Variants in MYH16 observed in about 807,000 individuals in gnomAD.
MYH16 encodes the protein putative uncharacterized protein MYH16.
chr7:99,263,484 C>G (rs1791958519), intron 14 of MYH16: 1 of 152,658 alleles, frequency 6.6e-6, no homozygotes, highest in Non-Finnish European at 1.5e-5. Context: ...CTTGTTGTGT[C>G]CAGTATCCCT....
chr7:99,264,127 A>G (rs151255820), intron 14 of MYH16: 2 of 152,654 alleles, frequency 1.3e-5, no homozygotes, highest in East Asian at 3.9e-4. Context: ...GGTCCCCCTT[A>G]TCCAGCCCTA....
At chr7:99,297,072 A>G (rs544826875) in intron 34 of MYH16, among the ~76,000 whole-genome samples, 155 bp downstream of exon 15, 1 of 152,292 alleles carries the variant, frequency 6.6e-6, no homozygotes, top group East Asian at 1.9e-4. Flanking sequence ...GAAGCACTTC[A>G]GCATTCAGCA....
At chr7:99,260,324 T>C in exon 12 of MYH16, 1 of 1,370,892 alleles carries the variant, frequency 7.3e-7, no homozygotes, top group Non-Finnish European at 1.0e-6. Context: ...TGCATCGACC[T>C]GCTGGAAAAG....
chr7:99,310,295 G>T (rs907060518), downstream of MYH16, among the ~76,000 whole-genome samples: 1 of 152,172 alleles, frequency 6.6e-6, no homozygotes, highest in African/African-American at 2.4e-5. Context: ...GCTGTGAATG[G>T]CTCTACTGGG....
intron 33 of MYH16, among the ~76,000 whole-genome samples, chr7:99,294,545 G>GAA (rs200644722): frequency 3.9e-5 from 3 of 77,754 alleles, no homozygotes; most frequent in East Asian, 7.9e-4. Context: ...AAGAAAAAAA[G>GAA]AAAAAAAAAA....
chr7:99,273,473 G>C (rs894314574), intron 20 of MYH16, 50 bp downstream of exon 2: 1 of 455,672 alleles, frequency 2.2e-6, no homozygotes, highest in Non-Finnish European at 4.4e-6. Flanking sequence ...CCTATGGGCT[G>C]GGGGAGGGCT....
chr7:99,284,656 T>A (rs1250173372), intron 25 of MYH16, among the ~76,000 whole-genome samples, 189 bp from the exon 8 acceptor site: 1 of 152,100 alleles, frequency 6.6e-6, no homozygotes, highest in Non-Finnish European at 1.5e-5. Context: ...GAGGAGCTCA[T>A]TCAGGGGTCT....
At chr7:99,278,805 TCTGTATCCTCTTCATACCC>T (rs1792154801) in intron 21 of MYH16, among the ~76,000 whole-genome samples, 1 of 152,190 alleles carries the variant, frequency 6.6e-6, no homozygotes, top group Non-Finnish European at 1.5e-5. Context: ...ACATCATTTC[TCTGTATCCTCTTCATACCC>T]CTGAGAAGTT....
At chr7:99,264,833 G>C (rs564903511) in intron 15 of MYH16, among the ~76,000 whole-genome samples, 53 of 152,282 alleles carry the variant, frequency 3.5e-4, no homozygotes, top group African/African-American at 1.2e-3. Flanking sequence ...CAACGACCCA[G>C]CTCTGAATCT....
exon 31 of MYH16, chr7:99,291,427 A>C: frequency 2.2e-6 from 1 of 456,554 alleles, no homozygotes; most frequent in Non-Finnish European, 4.4e-6. Context: ...TGATTACAAG[A>C]GGCAGCTGGA....
At chr7:99,293,968 C>A (rs559481300) in intron 32 of MYH16, 50 bp from the exon 14 acceptor site, 3 of 410,296 alleles carry the variant, frequency 7.3e-6, no homozygotes, top group South Asian at 5.4e-5. Context: ...GGAGATGGTG[C>A]CTGTAAGTGC....
At chr7:99,277,916 TGA>T (rs36065407) in intron 21 of MYH16, among the ~76,000 whole-genome samples, 7,776 of 131,780 alleles carry the variant, frequency 0.059, 270 homozygotes, top group Middle Eastern at 0.089. Context: ...TGTGTGTGTG[TGA>T]GAGAGAGAGA....
chr7:99,279,381 A>AAG, intron 21 of MYH16, 129 bp from the exon 4 acceptor site: 1 of 315,110 alleles, frequency 3.2e-6, no homozygotes, highest in South Asian at 2.7e-5. Context: ...AAAAAAAAAA[A>AAG]GGAGCTCGAG....
At chr7:99,289,363 G>C (rs557612958) in exon 30 of MYH16, 1 of 445,546 alleles carries the variant, frequency 2.2e-6, no homozygotes, top group Non-Finnish European at 4.5e-6. Flanking sequence ...GAGCTAGAGC[G>C]AAACCAAGCA....
At position 99,249,682 on chromosome 7, in the gene MYH16, A is replaced by G. The variant is rs1222709309; in HGVS notation, n.540-297A>G. 4.4e-5 allele frequency among the ~76,000 whole-genome samples: 6 copies of G among 135,314 alleles called. No individual in the cohort carries two copies. In the Admixed American group the frequency reaches 4.9e-4, roughly 11 times the overall value. The allele number at this position is 135,314 out of a possible 152,430, so 88.8% of individuals were successfully genotyped here. A position where few individuals can be genotyped will look rare whatever the true frequency, so the allele number is the denominator to read the frequency against. On this transcript the variant is annotated intron_variant and non_coding_transcript_variant, in intron 4 of 41. Coordinates refer to ENST00000439784, the Ensembl canonical transcript of MYH16. Reference sequence around the variant, plus strand: ...GCGATTCTGCTGCCTCAGCCTCCTGAGTAGCTGGGATTACAGGCACATGCC... The same window carrying G: ...GCGATTCTGCTGCCTCAGCCTCCTGGGTAGCTGGGATTACAGGCACATGCC...
intron 2 of MYH16, among the ~76,000 whole-genome samples, chr7:99,246,290 C>A (rs1791729188): frequency 6.6e-6 from 1 of 151,716 alleles, no homozygotes; most frequent in Non-Finnish European, 1.5e-5. Flanking sequence ...ACCCAGCTGC[C>A]ACAAGCAGGG....
downstream of MYH16, among the ~76,000 whole-genome samples, chr7:99,310,355 C>A (rs1447498456): frequency 6.6e-6 from 1 of 152,174 alleles, no homozygotes; most frequent in East Asian, 1.9e-4. Context: ...TTTTAAAAAT[C>A]CATTTGTGGG....
At chr7:99,274,557 G>T (rs1792085036) in intron 20 of MYH16, among the ~76,000 whole-genome samples, 1 of 152,204 alleles carries the variant, frequency 6.6e-6, no homozygotes, top group African/African-American at 2.4e-5. Flanking sequence ...GGCCCTGGAG[G>T]ACCTGGGATT....
At chr7:99,307,446 G>C (rs1792697792), downstream of MYH16, among the ~76,000 whole-genome samples, 1 of 152,128 alleles carries the variant, frequency 6.6e-6, no homozygotes, top group Non-Finnish European at 1.5e-5. Flanking sequence ...AAATAGGCTG[G>C]GCACAGTGGC....
Sources: gnomAD v4.1 joint callset for allele counts (sites outside exome capture counted in the v4.1 genomes callset) on GRCh38, gnomAD v4.1.1 for gene constraint, MANE v1.5 for transcripts, NCBI Gene and HGNC (gene_info 2026-07-23, HGNC 2026-07-21) for gene names.